L3MBTL4: variants seen among roughly 807,000 people sequenced by gnomAD.
The protein encoded by L3MBTL4 is L3MBTL histone methyl-lysine binding protein 4.
A neutral mutation model predicts 84.5 loss-of-function variants in L3MBTL4; 70 were observed. The ratio of observed to expected loss-of-function variants is 0.83; its 90% CI spans 0.68 to 1.01. The LOEUF (loss-of-function observed/expected upper bound fraction) is 1.01, where lower values mean the gene tolerates loss of function less well. Among genes scored for constraint, L3MBTL4 ranks in the 50% least tolerant of loss-of-function variants. The probability of loss-of-function intolerance (pLI) is 0.00; values close to 1 mark genes in which losing one functional copy is unlikely to be tolerated. For missense variants in L3MBTL4, 715 were observed against 754.8 expected (o/e 0.95, Z 0.62); for synonymous variants, 274 against 259.8 (o/e 1.05, Z -0.52).
At chr18:6,247,316 C>A (rs1156903134) in intron 5 of L3MBTL4, among the ~76,000 whole-genome samples, 1 of 152,060 alleles carries the variant, frequency 6.6e-6, no homozygotes, top group Non-Finnish European at 1.5e-5. Flanking sequence ...CCCCCATACA[C>A]CGCCTGCAAA....
At chr18:5,958,065 A>C (rs200037454) in intron 18 of L3MBTL4, among the ~76,000 whole-genome samples, 1 of 19,048 alleles carries the variant, frequency 5.2e-5, no homozygotes, top group African/African-American at 3.8e-4. Context: ...GGAGAAGGAG[A>C]AGAAGAAGAA....
chr18:6,168,094 A>C (rs1439138513), intron 13 of L3MBTL4, among the ~76,000 whole-genome samples: 4 of 152,222 alleles, frequency 2.6e-5, no homozygotes, highest in African/African-American at 9.6e-5. Flanking sequence ...AAAGAGAATA[A>C]AATAAATAGG....
At chr18:6,319,922 G>A (rs998722114) in intron 1 of L3MBTL4, among the ~76,000 whole-genome samples, 6 of 152,048 alleles carry the variant, frequency 3.9e-5, no homozygotes, top group African/African-American at 1.4e-4. Flanking sequence ...AAATCCAACA[G>A]CACATCAAAA....
chr18:6,023,745 C>T (rs1277248739), intron 16 of L3MBTL4, among the ~76,000 whole-genome samples: 1 of 152,194 alleles, frequency 6.6e-6, no homozygotes, highest in Non-Finnish European at 1.5e-5. Context: ...GTACCTTTCA[C>T]ACCTCACCTG....
rs540011885 is a variant in L3MBTL4, at chr18:5,992,214, C to T, written c.1445-22652G>A. Among the ~76,000 whole-genome samples the T allele has an allele frequency of 2.2e-4, 34 of 152,224 alleles. 1 individual carries two copies. In the South Asian group the frequency reaches 6.4e-3, roughly 29 times the overall value. The stretch of plus-strand genomic sequence containing the variant: ...CTGACAATAGGGCATGATGAGGAGC[C>T]CCGGGAGGGGAGGTTTGAGCTGGGC... On this transcript the variant is annotated intron_variant, in intron 16 of 18. Coordinates refer to ENST00000317931, the MANE Select transcript of L3MBTL4 (RefSeq NM_001330559.2).
intron 1 of L3MBTL4, among the ~76,000 whole-genome samples, chr18:6,387,485 T>A (rs2144464778): frequency 6.6e-6 from 1 of 152,240 alleles, no homozygotes; most frequent in Admixed American, 6.5e-5. Context: ...AAAAGTGCAT[T>A]TATGGGAGCA....
chr18:6,163,561 G>A (rs2043474581), intron 13 of L3MBTL4, among the ~76,000 whole-genome samples: 1 of 151,902 alleles, frequency 6.6e-6, no homozygotes, highest in Non-Finnish European at 1.5e-5. Context: ...ACCAACCAAA[G>A]ACAGCCAATT....
intron 10 of L3MBTL4, among the ~76,000 whole-genome samples, chr18:6,228,391 A>G (rs2046861959): frequency 6.6e-6 from 1 of 152,098 alleles, no homozygotes; most frequent in Non-Finnish European, 1.5e-5. Flanking sequence ...AAATTAATTA[A>G]TTGGGCATCA....
chr18:6,032,412 A>C, intron 16 of L3MBTL4: 1 of 650,362 alleles, frequency 1.5e-6, no homozygotes, highest in Non-Finnish European at 1.9e-6. Flanking sequence ...ACACACACAC[A>C]CACAATCTGC....
intron 1 of L3MBTL4, among the ~76,000 whole-genome samples, chr18:6,362,172 G>C (rs1289736709): frequency 9.4e-6 from 1 of 106,666 alleles, no homozygotes; most frequent in Admixed American, 1.3e-4. Flanking sequence ...AGGAAGGAAA[G>C]AAGAAAGGAA....
chr18:6,390,633 T>C (rs2055007265), intron 1 of L3MBTL4, among the ~76,000 whole-genome samples: 1 of 151,990 alleles, frequency 6.6e-6, no homozygotes, highest in Non-Finnish European at 1.5e-5. Context: ...GAATTAGAAA[T>C]GAAAGTGGAG....
chr18:6,155,540 T>C (rs527484174), intron 13 of L3MBTL4, among the ~76,000 whole-genome samples: 23 of 152,282 alleles, frequency 1.5e-4, no homozygotes, highest in African/African-American at 5.3e-4. Flanking sequence ...AAGACTTGGG[T>C]ATAGTATTCT....
At chr18:6,336,491 T>G (rs2052346026) in intron 1 of L3MBTL4, among the ~76,000 whole-genome samples, 1 of 152,210 alleles carries the variant, frequency 6.6e-6, no homozygotes, top group South Asian at 2.1e-4. Context: ...ACCAGTCACA[T>G]AGTACTATGA....
At chr18:6,113,464 C>CAAAAAAAAAAAAAAAAAAAAAAA (rs34482524) in intron 14 of L3MBTL4, among the ~76,000 whole-genome samples, 1 of 113,802 alleles carries the variant, frequency 8.8e-6, no homozygotes, top group Non-Finnish European at 1.7e-5. Context: ...CAAGTGTGGG[C>CAAAAAAAAAAAAAAAAAAAAAAA]AAAAAAAAAA....
At chr18:6,133,811 ATC>A (rs759948654) in intron 14 of L3MBTL4, among the ~76,000 whole-genome samples, 35 of 152,286 alleles carry the variant, frequency 2.3e-4, no homozygotes, top group Middle Eastern at 3.4e-3. Context: ...TCCTGATAAG[ATC>A]TCAGGAGTTG....
At chr18:5,994,997 T>G (rs1003940342) in intron 16 of L3MBTL4, among the ~76,000 whole-genome samples, 12 of 152,366 alleles carry the variant, frequency 7.9e-5, no homozygotes, top group African/African-American at 2.9e-4. Context: ...TTAGTGAGAC[T>G]TTATAATTAC....
At position 6,239,340 on chromosome 18, in the gene L3MBTL4, C is replaced by CAA. The variant is rs751491795; in HGVS notation, c.707+376_707+377dup. Among the ~76,000 whole-genome samples the CAA allele has an allele frequency of 2.5e-3, 126 of 50,218 alleles. 1 individual carries two copies. Among genetic ancestry groups the CAA allele is most frequent in the African/African-American group, 6.1e-3 (112 of 18,334 alleles). The allele number at this position is 50,218 out of a possible 152,430, so 32.9% of individuals were successfully genotyped here. A position where few individuals can be genotyped will look rare whatever the true frequency, so the allele number is the denominator to read the frequency against. ...TGGGCGACAGAGCGAGACTCCGTCTCAAAAAAAAAAAAAAAAAAAATGTGA... is the reference window on the plus strand; with the variant it reads ...TGGGCGACAGAGCGAGACTCCGTCTCAAAAAAAAAAAAAAAAAAAAAATGTGA... On this transcript the variant is annotated intron_variant, in intron 9 of 18. Coordinates refer to ENST00000317931, the MANE Select transcript of L3MBTL4 (RefSeq NM_001330559.2).
At chr18:6,108,978 A>G in intron 14 of L3MBTL4, among the ~76,000 whole-genome samples, 1 of 152,182 alleles carries the variant, frequency 6.6e-6, no homozygotes. Flanking sequence ...AAATATTGGT[A>G]TTCTCCAGGG....
chr18:6,254,472 C>T (rs1455360776), intron 5 of L3MBTL4, among the ~76,000 whole-genome samples: 1 of 145,422 alleles, frequency 6.9e-6, no homozygotes, highest in East Asian at 2.0e-4. Flanking sequence ...AAAATCATCA[C>T]CTACATAATT....
Sources: gnomAD v4.1 joint callset for allele counts (sites outside exome capture counted in the v4.1 genomes callset) on GRCh38, gnomAD v4.1.1 for gene constraint, MANE v1.5 for transcripts, NCBI Gene and HGNC (gene_info 2026-07-23, HGNC 2026-07-21) for gene names.